Variants in DOCK4 observed in about 807,000 individuals in gnomAD.
DOCK4 encodes dedicator of cytokinesis protein 4.
Under a neutral mutation model 268.1 loss-of-function variants are expected in DOCK4, and 97 were observed. The observed-to-expected ratio is 0.36, with a 90% CI of 0.31 to 0.43. DOCK4 has a LOEUF of 0.43. DOCK4 is among the 20% of genes least tolerant of loss of function. DOCK4 has a pLI of 1.00. For synonymous variants in DOCK4, 954 were observed against 887.2 expected, an observed-to-expected ratio of 1.08 and a Z score of -1.34; for missense variants, 2,145 against 2,455.7, an observed-to-expected ratio of 0.87 and a Z score of 2.67.
chr7:111,844,671 C>A, intron 25 of DOCK4, 92 bp downstream of exon 25: 1 of 1,460,572 alleles, frequency 6.8e-7, no homozygotes, highest in Non-Finnish European at 9.1e-7. Context: ...CTCCTAAGGC[C>A]ACATTTTCCA....
chr7:111,769,648 C>G lies in DOCK4; in HGVS notation c.3709G>C (p.Glu1237Gln). The G allele has an allele frequency of 6.2e-7, 1 of 1,613,552 alleles. No homozygotes were observed. The highest frequency in any genetic ancestry group is 8.5e-7 in the Non-Finnish European group (1 of 1,179,740). The stretch of plus-strand genomic sequence containing the variant: ...GGCCGATCAGACCATTCCAGTAGCT[C>G]GTCATATAAGAGGAGGGTATATGCA... ...EAAYTLLLYDELLEWSDRPLR... is the reference protein window; with the variant it reads ...EAAYTLLLYDQLLEWSDRPLR... The change falls in exon 37 of 53, where the codon GAG (glutamate) becomes CAG (glutamine). Residue 1237 changes from glutamate (E) to glutamine (Q), a missense_variant. Physicochemically the swap from Glu to Gln is conservative, Grantham distance 29. This residue lies in a region of DOCK4 where 1,598 missense variants were observed against 1,986.7 expected (regional missense o/e 0.80). Transcript: ENST00000428084.
chr7:111,894,928 G>A (rs568659422), intron 16 of DOCK4, among the ~76,000 whole-genome samples: 27 of 152,302 alleles, frequency 1.8e-4, no homozygotes, highest in Admixed American at 1.8e-3. Context: ...GTTATCATAG[G>A]TGAGAGTTGA....
chr7:112,123,394 C>T lies in DOCK4; in HGVS notation c.37+82708G>A, dbSNP rs568052676. 2.0e-5 allele frequency among the ~76,000 whole-genome samples: 3 copies of T among 152,100 alleles called. No individual in the cohort carries two copies. In the South Asian group the frequency reaches 6.2e-4, roughly 32 times the overall value. On this transcript the variant is annotated intron_variant, in intron 1 of 52. Transcript: ENST00000428084. ...GGATATGGGTTTCTGAACCCCAACA[C>T]GGGGATAAGAAATTTAACATATATC...
In DOCK4 at chr7:111,863,562, A is replaced by T. The variant is rs1159223289; in HGVS notation, c.2283T>A (p.Ala761=). The change falls in exon 23 of 53, where the codon GCT becomes GCA. Residue 761 remains alanine, a splice_region_variant and synonymous_variant. Transcript: ENST00000428084. ...CGGCAGGGAAAGAGCTCAGAAACAC[A>T]GCCTTAAAAAGAAGAAGACATTTAA... ...KGSGALSQSQ[A]VFLSSFPAVY... 6.3e-7 allele frequency: 1 copy of T among 1,591,570 alleles called. No individual in the cohort carries two copies. The highest frequency in any genetic ancestry group is 1.8e-5 in the Admixed American group (1 of 56,730).
intron 23 of DOCK4, chr7:111,863,106 C>A: frequency 2.4e-6 from 1 of 417,202 alleles, no homozygotes; most frequent in African/African-American, 2.0e-5. Flanking sequence ...TATCAGGTAC[C>A]TGTAAGCATC....
At chr7:111,928,684 T>G (rs916078646) in intron 12 of DOCK4, among the ~76,000 whole-genome samples, 2 of 151,718 alleles carry the variant, frequency 1.3e-5, no homozygotes, top group Non-Finnish European at 2.9e-5. Context: ...GCTTCCCAGA[T>G]TCAATTGATT....
intron 5 of DOCK4, 26 bp from the exon 6 acceptor site, chr7:111,989,189 T>A (rs1187091665): frequency 1.2e-6 from 2 of 1,613,292 alleles, no homozygotes; most frequent in East Asian, 2.2e-5. Context: ...ATGTGGAGAT[T>A]TGGCAGTCAG....
chr7:112,100,197 A>T (rs1474532632), intron 1 of DOCK4, among the ~76,000 whole-genome samples: 2 of 152,234 alleles, frequency 1.3e-5, no homozygotes, highest in Non-Finnish European at 2.9e-5. Flanking sequence ...TTGAGGTATT[A>T]TTAGAAACTA....
Position 111,986,056 on chromosome 7 carries a change from C to T in DOCK4, c.465-1666G>A, listed in dbSNP as rs558200126. Among the ~76,000 whole-genome samples the T allele has an allele frequency of 1.6e-4, 24 of 152,268 alleles. 1 individual carries two copies. Among genetic ancestry groups the T allele is most frequent in the African/African-American group, 5.3e-4 (22 of 41,542 alleles). On this transcript the variant is annotated intron_variant, in intron 6 of 52. Transcript: ENST00000428084. The stretch of plus-strand genomic sequence containing the variant: ...GTGGCAGACAAGGTAGTCATCTGAC[C>T]ATCTCCCCTTCCTGAGCCACACCTG...
intron 1 of DOCK4, among the ~76,000 whole-genome samples, chr7:112,203,787 AAT>A (rs1426852832): frequency 6.6e-6 from 1 of 151,584 alleles, no homozygotes; most frequent in African/African-American, 2.4e-5. Context: ...CATGGTGAAA[AAT>A]AAAGTCCACA....
At chr7:111,832,686 C>A (rs1328290039) in intron 26 of DOCK4, among the ~76,000 whole-genome samples, 1 of 152,102 alleles carries the variant, frequency 6.6e-6, no homozygotes, top group African/African-American at 2.4e-5. Context: ...AGCCACCATG[C>A]CCAGCTAATT....
rs868046387 is a variant in DOCK4 at position 111,945,736 on chromosome 7, C to T, written c.764G>A (p.Arg255Gln). ...ACTCACCACAAAGAGGGAGCAATGT[C>T]GTTCCGGTTTATCAGGGGCTTTGGG... ...GLPKAPDKPE[R>Q]HCSLFVDLGS... Residue 255 changes from arginine to glutamine, a missense_variant, in exon 9 of 53, where the codon CGA (arginine) becomes CAA (glutamine). Transcript: ENST00000428084. 1.3e-6 allele frequency: 2 copies of T among 1,597,884 alleles called. No homozygotes were observed. The highest frequency in any genetic ancestry group is 1.7e-6 in the Non-Finnish European group (2 of 1,171,860).
At chr7:111,853,390 T>C (rs1760321230) in intron 23 of DOCK4, among the ~76,000 whole-genome samples, 1 of 152,154 alleles carries the variant, frequency 6.6e-6, no homozygotes, top group Non-Finnish European at 1.5e-5. Context: ...CAGAAGGACA[T>C]GTGGCAGCAC....
In DOCK4 at chr7:111,817,025, T is replaced by C. The variant is rs118054043; in HGVS notation, c.2931-5076A>G. On this transcript the variant is annotated intron_variant, in intron 27 of 52. Transcript: ENST00000428084. Reference sequence around the variant, plus strand: ...AAAACTCTTTTGACCAGTACTCCACTGGGCAGTACTGGTGGAAAATCACTC... The same window carrying C: ...AAAACTCTTTTGACCAGTACTCCACCGGGCAGTACTGGTGGAAAATCACTC... Among the ~76,000 whole-genome samples the C allele has an allele frequency of 2.6e-4, 39 of 152,308 alleles. 1 individual carries two copies. In the East Asian group the frequency reaches 7.0e-3, roughly 27 times the overall value.
At position 111,917,781 on chromosome 7, in the gene DOCK4, C is replaced by T. The variant is rs542067022; in HGVS notation, c.1067-1877G>A. On this transcript the variant is annotated intron_variant, in intron 12 of 52. Coordinates refer to ENST00000428084, the MANE Select transcript of DOCK4 (RefSeq NM_001363540.2). Reference sequence around the variant, plus strand: ...ATCTACATCGTCAGATTTAGAACCTCTATCTACATTATTACTTATCACATT... The same window carrying T: ...ATCTACATCGTCAGATTTAGAACCTTTATCTACATTATTACTTATCACATT... Among the ~76,000 whole-genome samples, 5 of 152,134 alleles carry T rather than the reference C, an allele frequency of 3.3e-5. No homozygotes were observed. In the South Asian group the frequency reaches 1.0e-3, roughly 32 times the overall value.
At chr7:111,837,484 C>T (rs760341330) in intron 25 of DOCK4, among the ~76,000 whole-genome samples, 10 of 152,066 alleles carry the variant, frequency 6.6e-5, no homozygotes, top group Non-Finnish European at 4.4e-5. Context: ...TCACAGAAAG[C>T]GTAGCTGTGT....
rs1248699223 is a variant in DOCK4, at chr7:111,760,301, C to G, written c.4042G>C (p.Gly1348Arg). ...GCTTCCAGCCTCTCGTAGTCATGCC[C>G]TCGACACACAAACTCCTTATTCTGG... ...FLRNKEFVCR[G>R]HDYERLEAFQ... The change falls in exon 40 of 53, where the codon GGG becomes CGG. Residue 1348 changes from glycine (G) to arginine (R), a missense_variant. By Grantham distance (125) the Gly-to-Arg change is moderately radical. Transcript: ENST00000428084. 6.2e-7 allele frequency: 1 copy of G among 1,613,708 alleles called. No individual in the cohort carries two copies. Among genetic ancestry groups the G allele is most frequent in the Non-Finnish European group, 8.5e-7 (1 of 1,179,784 alleles).
chr7:112,070,525 T>C (rs1166011691), intron 1 of DOCK4, among the ~76,000 whole-genome samples: 1 of 152,176 alleles, frequency 6.6e-6, no homozygotes, highest in Non-Finnish European at 1.5e-5. Flanking sequence ...GGCTGAATTT[T>C]AGAACCTGTG....
At chr7:112,008,858 G>A (rs1455539886) in intron 1 of DOCK4, among the ~76,000 whole-genome samples, 1 of 152,174 alleles carries the variant, frequency 6.6e-6, no homozygotes, top group African/African-American at 2.4e-5. Context: ...GCTGGGCGTG[G>A]TGGCGGGTGC....
Sources: gnomAD v4.1 joint callset for allele counts (sites outside exome capture counted in the v4.1 genomes callset) on GRCh38, gnomAD v4.1.1 for gene constraint, gnomAD v4.1.1 regional missense constraint, MANE v1.5 for transcripts, NCBI Gene and HGNC (gene_info 2026-07-23, HGNC 2026-07-21) for gene names.